Variants in MYO1H observed in about 807,000 individuals in gnomAD.
MYO1H encodes myosin IH, also known as unconventional myosin-Ih.
A neutral mutation model predicts 149.3 loss-of-function variants in MYO1H; 118 were observed. The observed-to-expected ratio is 0.79, with a 90% CI of 0.68 to 0.92. The LOEUF (loss-of-function observed/expected upper bound fraction) is 0.92, where lower values mean the gene tolerates loss of function less well. Among genes scored for constraint, MYO1H ranks in the 40% least tolerant of loss-of-function variants. The pLI is 0.00. For synonymous variants in MYO1H, 447 were observed against 465.2 expected (o/e 0.96, Z 0.50); for missense variants, 1,212 against 1,280.7 (o/e 0.95, Z 0.82).
At chr12:109,437,962 C>G (rs1592819263) in intron 22 of MYO1H, among the ~76,000 whole-genome samples, 1 of 151,826 alleles carries the variant, frequency 6.6e-6, no homozygotes, top group African/African-American at 2.4e-5. Flanking sequence ...GTGGTGCACA[C>G]CTGTAATCCC....
chr12:109,442,795 C>CTTTTTTTTT (rs747073389), intron 27 of MYO1H, among the ~76,000 whole-genome samples: 13 of 94,034 alleles, frequency 1.4e-4, no homozygotes, highest in East Asian at 3.2e-4. Context: ...AGTGTCTGCT[C>CTTTTTTTTT]TTTTTTTTTT....
At chr12:109,366,379 C>A (rs573676206) in intron 1 of MYO1H, among the ~76,000 whole-genome samples, 1 of 152,172 alleles carries the variant, frequency 6.6e-6, no homozygotes, top group Non-Finnish European at 1.5e-5. Flanking sequence ...GAATTGTTAG[C>A]CAATGCTATA....
At chr12:109,439,482 A>T in intron 23 of MYO1H, 149 bp from the exon 24 acceptor site, 1 of 282,848 alleles carries the variant, frequency 3.5e-6, no homozygotes, top group Non-Finnish European at 6.2e-6. Flanking sequence ...AATCGAACAT[A>T]TATGTGGGGC....
intron 11 of MYO1H, 37 bp downstream of exon 11, chr12:109,409,661 C>G: frequency 6.6e-7 from 1 of 1,523,902 alleles, no homozygotes; most frequent in Non-Finnish European, 9.1e-7. Flanking sequence ...TGTCTTTTGC[C>G]CTTTTTTAAG....
At chr12:109,421,259 TGAACAAGATGGAGCTCC>T (rs78205062) in intron 16 of MYO1H, among the ~76,000 whole-genome samples, 26,846 of 151,966 alleles carry the variant, frequency 0.18, 2,767 homozygotes, top group African/African-American at 0.28. Context: ...AGGTCATCAG[TGAACAAGATGGAGCTCC>T]GAACAAGATG....
chr12:109,409,510 A>G, intron 10 of MYO1H, 47 bp from the exon 11 acceptor site: 1 of 1,546,838 alleles, frequency 6.5e-7, no homozygotes, highest in Non-Finnish European at 8.9e-7. Context: ...TTTGAGTAGC[A>G]CAAAGGAAAA....
intron 27 of MYO1H, among the ~76,000 whole-genome samples, chr12:109,443,272 GTGTA>G (rs1245982229): frequency 7.2e-6 from 1 of 139,078 alleles, no homozygotes; most frequent in Non-Finnish European, 1.6e-5. Flanking sequence ...GTATATGTGT[GTGTA>G]TATGTGTACG....
chr12:109,356,400 G>A (rs188958397), intron 1 of MYO1H, among the ~76,000 whole-genome samples: 1 of 146,586 alleles, frequency 6.8e-6, no homozygotes, highest in Non-Finnish European at 1.5e-5. Flanking sequence ...TTTTTTTTTT[G>A]TTTTTTTACA....
chr12:109,444,440 C>T (rs767215217), exon 30 of MYO1H: 17 of 1,613,486 alleles, frequency 1.1e-5, no homozygotes, highest in Middle Eastern at 1.6e-4. Flanking sequence ...AGGGGGATGC[C>T]GTTTTGCAGT....
At chr12:109,311,234 T>A in the MYO1H span, among the ~76,000 whole-genome samples, 1 of 152,144 alleles carries the variant, frequency 6.6e-6, no homozygotes, top group Non-Finnish European at 1.5e-5. Flanking sequence ...TCATGAAATA[T>A]GGAAAAGAAA....
At chr12:109,365,480 T>G (rs1868848010) in intron 1 of MYO1H, among the ~76,000 whole-genome samples, 1 of 152,202 alleles carries the variant, frequency 6.6e-6, no homozygotes, top group African/African-American at 2.4e-5. Context: ...AGTCTCTTTC[T>G]TCTGGTACTT....
chr12:109,312,979 G>A, the MYO1H span, among the ~76,000 whole-genome samples: 1 of 151,880 alleles, frequency 6.6e-6, no homozygotes, highest in Non-Finnish European at 1.5e-5. Flanking sequence ...GGTGGCTCAG[G>A]GCTGTAATCC....
At position 109,406,135 on chromosome 12, in the gene MYO1H, G is replaced by A. The variant is rs578164324; in HGVS notation, c.963+100G>A. 126 of 768,430 alleles carry A rather than the reference G, an allele frequency of 1.6e-4. 2 individuals carry two copies. In the Middle Eastern group the frequency reaches 3.1e-3, roughly 19 times the overall value. The allele number at this position is 768,430 out of a possible 1,614,324, so 47.6% of individuals were successfully genotyped here. On this transcript the variant is annotated intron_variant, in intron 8 of 31. Transcript: ENST00000310903. ...CAGTTAGGCCCAAATATCTGGTGCC[G>A]TGCTGTTTTGGCTGATATTGGTTAG...
intron 22 of MYO1H, 77 bp downstream of exon 22, chr12:109,436,633 T>G: frequency 1.0e-6 from 1 of 967,962 alleles, no homozygotes; most frequent in Non-Finnish European, 1.6e-6. Context: ...TTGTGAGTTC[T>G]CTCCCCCTGC....
chr12:109,315,464 C>G, the MYO1H span, among the ~76,000 whole-genome samples: 1 of 152,158 alleles, frequency 6.6e-6, no homozygotes, highest in African/African-American at 2.4e-5. Context: ...AATCAGGGAT[C>G]CTGAGCCAGG....
intron 30 of MYO1H, among the ~76,000 whole-genome samples, chr12:109,445,195 T>C (rs987164588): frequency 1.1e-4 from 17 of 152,198 alleles, no homozygotes; most frequent in African/African-American, 3.9e-4. Flanking sequence ...ATGTGTTGTC[T>C]TTGTGTTGCT....
intron 21 of MYO1H, among the ~76,000 whole-genome samples, chr12:109,435,538 A>G (rs1360534896): frequency 6.6e-6 from 1 of 152,196 alleles, no homozygotes; most frequent in African/African-American, 2.4e-5. Flanking sequence ...TGCAAAAAGT[A>G]AAAAATCAAA....
upstream of MYO1H, among the ~76,000 whole-genome samples, chr12:109,342,985 A>G (rs1175738493): frequency 6.6e-6 from 1 of 151,774 alleles, no homozygotes; most frequent in Admixed American, 6.6e-5. Flanking sequence ...TGGGAGGCCA[A>G]GGTGGGGAGG....
intron 1 of MYO1H, among the ~76,000 whole-genome samples, chr12:109,351,607 T>C (rs1242722151): frequency 1.3e-5 from 2 of 152,208 alleles, no homozygotes; most frequent in African/African-American, 4.8e-5. Context: ...CCTTCTATAA[T>C]GCCTTGCACA....
Sources: gnomAD v4.1 joint callset for allele counts (sites outside exome capture counted in the v4.1 genomes callset) on GRCh38, gnomAD v4.1.1 for gene constraint, MANE v1.5 for transcripts, NCBI Gene and HGNC (gene_info 2026-07-23, HGNC 2026-07-21) for gene names.